TRABD2B: variants seen among roughly 807,000 people sequenced by gnomAD.
TRABD2B encodes the protein metalloprotease TIKI2.
Under a neutral mutation model 40.1 loss-of-function variants are expected in TRABD2B, and 14 were observed. The ratio of observed to expected loss-of-function variants is 0.35; its 90% CI spans 0.23 to 0.55. The LOEUF (loss-of-function observed/expected upper bound fraction) is 0.55, where lower values mean the gene tolerates loss of function less well. TRABD2B is among the 20% of genes least tolerant of loss of function. The pLI, the probability that TRABD2B is intolerant of heterozygous loss-of-function variation, is 0.90. For synonymous variants in TRABD2B, 263 were observed against 277.0 expected (o/e 0.95, Z 0.50); for missense variants, 541 against 648.6 (o/e 0.83, Z 1.80).
At chr1:47,905,300 T>C (rs1644660441) in intron 2 of TRABD2B, among the ~76,000 whole-genome samples, 1 of 152,214 alleles carries the variant, frequency 6.6e-6, no homozygotes, top group Non-Finnish European at 1.5e-5. Flanking sequence ...GGGACTACTA[T>C]GGCGTGAGGA....
intron 2 of TRABD2B, among the ~76,000 whole-genome samples, chr1:47,849,794 A>G (rs1292719773): frequency 6.6e-6 from 1 of 152,188 alleles, no homozygotes; most frequent in Non-Finnish European, 1.5e-5. Context: ...CTCCCGCCCA[A>G]GGTTTTTGCT....
intron 2 of TRABD2B, among the ~76,000 whole-genome samples, chr1:47,870,314 T>G (rs1644122237): frequency 6.6e-6 from 1 of 152,186 alleles, no homozygotes. Flanking sequence ...TGTATGATGA[T>G]GTTCTTGCAT....
intron 2 of TRABD2B, among the ~76,000 whole-genome samples, chr1:47,989,898 C>T (rs1553173183): frequency 6.6e-6 from 1 of 152,156 alleles, no homozygotes; most frequent in Non-Finnish European, 1.5e-5. Context: ...GTCTACTTGG[C>T]CTGTCTGTGT....
At chr1:47,930,877 C>T (rs80083035) in intron 2 of TRABD2B, among the ~76,000 whole-genome samples, 3,557 of 152,240 alleles carry the variant, frequency 0.023, 105 homozygotes, top group Admixed American at 0.09. Flanking sequence ...AGCTGGGACC[C>T]GACCCCACAG....
At chr1:47,990,672 C>T (rs1185013845) in intron 2 of TRABD2B, among the ~76,000 whole-genome samples, 2 of 150,290 alleles carry the variant, frequency 1.3e-5, no homozygotes, top group African/African-American at 4.9e-5. Context: ...AAAACCAGCT[C>T]AACTTTGAAA....
chr1:47,773,143 G>A (rs757597879), intron 6 of TRABD2B, among the ~76,000 whole-genome samples: 21 of 152,200 alleles, frequency 1.4e-4, no homozygotes, highest in Non-Finnish European at 1.9e-4. Context: ...CCACTGGCCA[G>A]GTCTCCTGAT....
In TRABD2B at chr1:47,987,599, C is replaced by T. The variant is rs181278469; in HGVS notation, c.666+6435G>A. Among the ~76,000 whole-genome samples the T allele has an allele frequency of 2.6e-5, 4 of 152,302 alleles. No homozygotes were observed. In the East Asian group the frequency reaches 7.7e-4, roughly 29 times the overall value. On this transcript the variant is annotated intron_variant, in intron 2 of 6. Coordinates refer to ENST00000606738, the MANE Select transcript of TRABD2B (RefSeq NM_001194986.2). Reference sequence around the variant, plus strand: ...TGCTTCTGTGTGTGTTATCCCCCTACATTTAGATAATATATTAAATATTAA... The same window carrying T: ...TGCTTCTGTGTGTGTTATCCCCCTATATTTAGATAATATATTAAATATTAA...
At chr1:47,884,230 C>T (rs186835245) in intron 2 of TRABD2B, among the ~76,000 whole-genome samples, 275 of 152,208 alleles carry the variant, frequency 1.8e-3, no homozygotes, top group African/African-American at 6.0e-3. Context: ...TTTGCTTTGG[C>T]CAATGACATG....
rs144246095 is a variant in TRABD2B, at chr1:47,978,846, C to T, written c.666+15188G>A. On this transcript the variant is annotated intron_variant, in intron 2 of 6. Coordinates refer to ENST00000606738, the MANE Select transcript of TRABD2B (RefSeq NM_001194986.2). ...TTTCATTTATATTGTGTGAGGATCACGGAATGACCAGCAAACAGAAGCTCT... is the reference window on the plus strand; with the variant it reads ...TTTCATTTATATTGTGTGAGGATCATGGAATGACCAGCAAACAGAAGCTCT... 5.9e-5 allele frequency among the ~76,000 whole-genome samples: 9 copies of T among 152,184 alleles called. No homozygotes were observed. In the East Asian group the frequency reaches 1.5e-3, roughly 26 times the overall value.
chr1:47,874,252 ATTTTTT>A lies in TRABD2B; in HGVS notation c.667-72639_667-72634del, dbSNP rs61411862. ...ATTTTATTTTTAAATTGATTAATTAATTTTTTTTTTTTTTTTTTTTTTTTGAGACGG... is the reference window on the plus strand; with the variant it reads ...ATTTTATTTTTAAATTGATTAATTAATTTTTTTTTTTTTTTTTTGAGACGG... On this transcript the variant is annotated intron_variant, in intron 2 of 6. Transcript: ENST00000606738. 2.7e-4 allele frequency among the ~76,000 whole-genome samples: 24 copies of A among 90,524 alleles called. No homozygotes were observed. The East Asian group carries it at 5.5e-3, about 21-fold the overall frequency. The allele number at this position is 90,524 out of a possible 152,430, so 59.4% of individuals were successfully genotyped here. A position where few individuals can be genotyped will look rare whatever the true frequency, so the allele number is the denominator to read the frequency against.
intron 4 of TRABD2B, among the ~76,000 whole-genome samples, chr1:47,791,505 G>A (rs1375893956): frequency 6.6e-6 from 1 of 152,186 alleles, no homozygotes; most frequent in African/African-American, 2.4e-5. Flanking sequence ...CCATAGCCTT[G>A]GGGGTCTTAT....
chr1:47,860,028 A>G (rs1643944336), intron 2 of TRABD2B, among the ~76,000 whole-genome samples: 2 of 152,108 alleles, frequency 1.3e-5, no homozygotes, highest in Admixed American at 1.3e-4. Flanking sequence ...GCTTGGTCAG[A>G]CTGCACTACC....
At chr1:47,945,089 G>A (rs572772741) in intron 2 of TRABD2B, among the ~76,000 whole-genome samples, 1 of 152,300 alleles carries the variant, frequency 6.6e-6, no homozygotes, top group South Asian at 2.1e-4. Context: ...TGTATGCCAC[G>A]GGACTGATTC....
At chr1:47,892,996 A>G (rs1644469140) in intron 2 of TRABD2B, among the ~76,000 whole-genome samples, 1 of 152,166 alleles carries the variant, frequency 6.6e-6, no homozygotes, top group Non-Finnish European at 1.5e-5. Flanking sequence ...TGATTTATAC[A>G]CATTACAGAA....
intron 2 of TRABD2B, among the ~76,000 whole-genome samples, chr1:47,881,881 T>C (rs1190255762): frequency 1.3e-5 from 2 of 152,232 alleles, no homozygotes; most frequent in Non-Finnish European, 2.9e-5. Flanking sequence ...CATGTCTCTG[T>C]GTTTCTGTGT....
intron 2 of TRABD2B, among the ~76,000 whole-genome samples, chr1:47,818,367 T>G (rs1645063324): frequency 6.6e-6 from 1 of 152,250 alleles, no homozygotes; most frequent in Admixed American, 6.5e-5. Context: ...CGAGTCCTTC[T>G]TCTCCTTCTT....
At chr1:47,913,171 C>T (rs947394787) in intron 2 of TRABD2B, among the ~76,000 whole-genome samples, 1 of 152,218 alleles carries the variant, frequency 6.6e-6, no homozygotes, top group Non-Finnish European at 1.5e-5. Flanking sequence ...CAAGCTTCTC[C>T]TCTCCATGCT....
intron 2 of TRABD2B, among the ~76,000 whole-genome samples, chr1:47,923,514 A>T (rs1311633655): frequency 6.6e-6 from 1 of 152,114 alleles, no homozygotes. Context: ...TGAGAAAGGG[A>T]TTTTTCATCA....
intron 2 of TRABD2B, among the ~76,000 whole-genome samples, chr1:47,890,884 C>T (rs555254993): frequency 1.2e-4 from 19 of 152,230 alleles, no homozygotes; most frequent in Non-Finnish European, 2.5e-4. Context: ...GTATTAAGGA[C>T]GTTTATGGGG....
Sources: gnomAD v4.1 joint callset for allele counts (sites outside exome capture counted in the v4.1 genomes callset) on GRCh38, gnomAD v4.1.1 for gene constraint, MANE v1.5 for transcripts, NCBI Gene and HGNC (gene_info 2026-07-23, HGNC 2026-07-21) for gene names.